Variants in MYO5B observed in about 807,000 individuals in gnomAD.
The protein encoded by MYO5B is myosin VB.
MYO5B carries 143 observed loss-of-function variants against 229.3 expected under a neutral mutation model. The observed-to-expected ratio is 0.62, with a 90% CI of 0.54 to 0.72. MYO5B has a LOEUF of 0.72. Among genes scored for constraint, MYO5B ranks in the 30% least tolerant of loss-of-function variants. The pLI, the probability that MYO5B is intolerant of heterozygous loss-of-function variation, is 0.00. For synonymous variants in MYO5B, 918 were observed against 885.2 expected (o/e 1.04, Z -0.66); for missense variants, 2,321 against 2,331.0 (o/e 1.00, Z 0.09).
chr18:50,128,703 C>T (rs1473985507), intron 1 of MYO5B, among the ~76,000 whole-genome samples: 2 of 152,156 alleles, frequency 1.3e-5, no homozygotes, highest in African/African-American at 4.8e-5. Flanking sequence ...CGTGCCAGCA[C>T]CTAAGAATCC....
rs147405294 is a variant in MYO5B at position 49,839,303 on chromosome 18, G to A, written c.4702-9C>T. On this transcript the variant is annotated splice_polypyrimidine_tract_variant and intron_variant, in intron 35 of 39. Coordinates refer to ENST00000285039, the MANE Select transcript of MYO5B (RefSeq NM_001080467.3). ...TTCTGAGTCATGAAGCCCTGCAGAG[G>A]GAGAGGCGTGCACTACTGAGTTCTC... The A allele has an allele frequency of 1.5e-3, 2,472 of 1,612,766 alleles. 4 individuals are homozygous for A. Among genetic ancestry groups the A allele is most frequent in the Non-Finnish European group, 2.0e-3 (2,331 of 1,180,008 alleles).
At chr18:50,033,533 G>A (rs1253290736) in intron 4 of MYO5B, among the ~76,000 whole-genome samples, 2 of 152,090 alleles carry the variant, frequency 1.3e-5, no homozygotes, top group Non-Finnish European at 2.9e-5. Context: ...GGCCAGTATT[G>A]AGCCTATCAA....
intron 2 of MYO5B, among the ~76,000 whole-genome samples, chr18:50,041,903 A>G (rs113209290): frequency 7.9e-5 from 12 of 152,298 alleles, no homozygotes; most frequent in African/African-American, 2.6e-4. Flanking sequence ...ATATACAAAG[A>G]GTTATAAGAA....
At chr18:50,175,233 T>C (rs2032979136) in intron 1 of MYO5B, among the ~76,000 whole-genome samples, 1 of 152,194 alleles carries the variant, frequency 6.6e-6, no homozygotes, top group Admixed American at 6.5e-5. Context: ...CCTCCCTCTT[T>C]ACTTTCACTC....
At chr18:49,958,640 C>T (rs1598912165) in intron 12 of MYO5B, among the ~76,000 whole-genome samples, 2 of 152,334 alleles carry the variant, frequency 1.3e-5, no homozygotes, top group African/African-American at 2.4e-5. Context: ...GCTCCTCTCT[C>T]GCACCGCTTC....
intron 1 of MYO5B, among the ~76,000 whole-genome samples, chr18:50,066,076 T>C (rs899659532): frequency 2.0e-5 from 3 of 152,104 alleles, no homozygotes; most frequent in Non-Finnish European, 4.4e-5. Context: ...AAGTATTCTA[T>C]AGCCAATGGA....
chr18:50,041,488 A>G (rs1264534094), intron 2 of MYO5B, among the ~76,000 whole-genome samples: 1 of 152,238 alleles, frequency 6.6e-6, no homozygotes, highest in African/African-American at 2.4e-5. Flanking sequence ...AGATACAGAA[A>G]GAAACACTAG....
chr18:49,869,949 G>C (rs556500681), intron 27 of MYO5B, among the ~76,000 whole-genome samples: 2 of 152,162 alleles, frequency 1.3e-5, no homozygotes, highest in Non-Finnish European at 2.9e-5. Flanking sequence ...TTGATGCCCC[G>C]AAAGTGCTAC....
intron 17 of MYO5B, among the ~76,000 whole-genome samples, chr18:49,928,502 G>T (rs1302616815): frequency 3.3e-5 from 5 of 152,182 alleles, no homozygotes; most frequent in African/African-American, 1.2e-4. Flanking sequence ...AAATTAGCCA[G>T]ATGTGGTGGT....
At chr18:49,990,170 G>T (rs994943864) in intron 7 of MYO5B, among the ~76,000 whole-genome samples, 1 of 152,152 alleles carries the variant, frequency 6.6e-6, no homozygotes, top group African/African-American at 2.4e-5. Flanking sequence ...GAATAATAAA[G>T]CATGAAAAGA....
In MYO5B at chr18:50,125,517, T is replaced by TA. The variant is rs779405742; in HGVS notation, c.27+69249dup. Among the ~76,000 whole-genome samples the TA allele has an allele frequency of 1.4e-4, 22 of 152,250 alleles. 1 individual carries two copies. The highest frequency in any genetic ancestry group is 7.9e-4 in the Admixed American group (12 of 15,286). ...TACATGTAACCTACAACTTAAAGTATAATAGTAATAATAATAAAAAGAAAG... is the reference window on the plus strand; with the variant it reads ...TACATGTAACCTACAACTTAAAGTATAAATAGTAATAATAATAAAAAGAAAG... On this transcript the variant is annotated intron_variant, in intron 1 of 39. Coordinates refer to ENST00000285039, the MANE Select transcript of MYO5B (RefSeq NM_001080467.3).
intron 1 of MYO5B, among the ~76,000 whole-genome samples, chr18:50,166,658 A>T (rs919131935): frequency 2.6e-5 from 4 of 151,708 alleles, no homozygotes; most frequent in African/African-American, 9.7e-5. Flanking sequence ...CTCCTTAGCC[A>T]CTCCCCACCC....
intron 1 of MYO5B, among the ~76,000 whole-genome samples, chr18:50,174,327 G>A (rs185116111): frequency 1.3e-5 from 2 of 152,202 alleles, no homozygotes; most frequent in East Asian, 1.9e-4. Flanking sequence ...AGTATCACAG[G>A]GGATGGTGCA....
In MYO5B at chr18:50,034,515, G is replaced by A. The variant is rs117777634; in HGVS notation, c.455+2335C>T. 6.4e-4 allele frequency among the ~76,000 whole-genome samples: 98 copies of A among 152,312 alleles called. No individual in the cohort carries two copies. The East Asian group carries it at 0.01, about 16-fold the overall frequency. ...TCCTAACATTTTGAGAGGCAGAGGC[G>A]GGTGGATTACCTGAGGTCAGAAGTT... On this transcript the variant is annotated intron_variant, in intron 4 of 39. Transcript: ENST00000285039.
chr18:50,147,673 C>G (rs10502906), intron 1 of MYO5B, among the ~76,000 whole-genome samples: 17,625 of 152,158 alleles, frequency 0.12, 1,153 homozygotes, highest in East Asian at 0.24. Context: ...CGGTAGCATA[C>G]AAGACCGTTC....
intron 12 of MYO5B, among the ~76,000 whole-genome samples, chr18:49,959,887 C>T (rs571782505): frequency 1.2e-4 from 18 of 152,324 alleles, no homozygotes; most frequent in South Asian, 1.0e-3. Context: ...ATTAACATTG[C>T]TGACACTCAA....
rs73430341 is a variant in MYO5B at position 50,124,409 on chromosome 18, C to G, written c.28-69031G>C. Among the ~76,000 whole-genome samples the G allele has an allele frequency of 3.4e-3, 515 of 152,276 alleles. 1 individual carries two copies. Among genetic ancestry groups the G allele is most frequent in the African/African-American group, 0.012 (506 of 41,558 alleles). On this transcript the variant is annotated intron_variant, in intron 1 of 39. Coordinates refer to ENST00000285039, the MANE Select transcript of MYO5B (RefSeq NM_001080467.3). ...TTCCCATGCACATGGTCCCATCACTCTCCTTCAACTCATGGGGTAGCGGCA... is the reference window on the plus strand; with the variant it reads ...TTCCCATGCACATGGTCCCATCACTGTCCTTCAACTCATGGGGTAGCGGCA...
chr18:50,173,877 A>T (rs1051425743), intron 1 of MYO5B, among the ~76,000 whole-genome samples: 1 of 152,164 alleles, frequency 6.6e-6, no homozygotes, highest in African/African-American at 2.4e-5. Flanking sequence ...ATGATGGCAA[A>T]TGTTGTGTGT....
chr18:49,929,487 G>C (rs1250857768), intron 17 of MYO5B, 25 bp downstream of exon 17: 1 of 1,583,456 alleles, frequency 6.3e-7, no homozygotes, highest in Non-Finnish European at 8.6e-7. Flanking sequence ...AGCCCCAGGA[G>C]GCAGCTGGCG....
Sources: gnomAD v4.1 joint callset for allele counts (sites outside exome capture counted in the v4.1 genomes callset) on GRCh38, gnomAD v4.1.1 for gene constraint, MANE v1.5 for transcripts, NCBI Gene and HGNC (gene_info 2026-07-23, HGNC 2026-07-21) for gene names.